The following HS3ST2 variants were observed in gnomAD, a reference collection of about 807,000 sequenced individuals.
The protein encoded by HS3ST2 is heparan sulfate glucosamine 3-O-sulfotransferase 2.
A neutral mutation model predicts 26.3 loss-of-function variants in HS3ST2; 17 were observed. The observed-to-expected ratio is 0.65, with a 90% CI of 0.44 to 0.97. HS3ST2 has a LOEUF of 0.97. Among genes scored for constraint, HS3ST2 ranks in the 50% least tolerant of loss-of-function variants. The pLI is 0.00. For synonymous variants in HS3ST2, 237 were observed against 219.2 expected, an observed-to-expected ratio of 1.08 and a Z score of -0.72; for missense variants, 402 against 501.2, an observed-to-expected ratio of 0.80 and a Z score of 1.89.
At chr16:22,866,322 C>T (rs1431932811) in intron 1 of HS3ST2, among the ~76,000 whole-genome samples, 3 of 148,192 alleles carry the variant, frequency 2.0e-5, no homozygotes, top group East Asian at 2.0e-4. Context: ...CACGTGCGCG[C>T]GCGCGCACAC....
intron 1 of HS3ST2, among the ~76,000 whole-genome samples, chr16:22,900,777 G>A (rs1287946028): frequency 1.3e-5 from 2 of 152,156 alleles, no homozygotes; most frequent in Admixed American, 6.5e-5. Context: ...AGTGAAACAT[G>A]ACCAAGATTC....
intron 1 of HS3ST2, among the ~76,000 whole-genome samples, chr16:22,907,749 T>C (rs371573904): frequency 8.5e-5 from 13 of 152,344 alleles, no homozygotes; most frequent in African/African-American, 3.1e-4. Context: ...AAGCTTTAAG[T>C]TGGAGCTGCA....
At position 22,865,425 on chromosome 16, in the gene HS3ST2, G is replaced by A. The variant is rs563528358; in HGVS notation, c.486-49519G>A. Among the ~76,000 whole-genome samples the A allele has an allele frequency of 3.3e-5, 5 of 151,536 alleles. No individual in the cohort carries two copies. The East Asian group carries it at 7.9e-4, about 24-fold the overall frequency. On this transcript the variant is annotated intron_variant, in intron 1 of 1. Coordinates refer to ENST00000261374, the MANE Select transcript of HS3ST2 (RefSeq NM_006043.2). Reference sequence around the variant, plus strand: ...CAAAAAATTAGCCGGGCATGGTGGCGCATGCCTGTAATCCCAGCTACTCAG... The same window carrying A: ...CAAAAAATTAGCCGGGCATGGTGGCACATGCCTGTAATCCCAGCTACTCAG...
rs776777406 is a variant in HS3ST2, at chr16:22,915,422, C to A, written c.964C>A (p.Leu322Met). The A allele has an allele frequency of 6.2e-7, 1 of 1,613,784 alleles. No homozygotes were observed. The highest frequency in any genetic ancestry group is 8.5e-7 in the Non-Finnish European group (1 of 1,179,956). Residue 322 changes from leucine (L) to methionine (M), a missense_variant, in exon 2 of 2, where the codon CTG (leucine) becomes ATG (methionine). Around this residue, in one of 2 missense-constraint regions of HS3ST2, gnomAD observed 237 missense variants for 346.6 expected, o/e 0.68. Transcript: ENST00000261374. The stretch of plus-strand genomic sequence containing the variant: ...CTTGAAAAAAACAGAATCGAGCCTC[C>A]TGCCTCGATGCTTGGGCAAATCAAA... ...PCLKKTESSL[L>M]PRCLGKSKGR...
chr16:22,833,433 GAGA>G, intron 1 of HS3ST2: 2 of 423,280 alleles, frequency 4.7e-6, no homozygotes, highest in Non-Finnish European at 9.6e-6. Context: ...CGTATAGCTG[GAGA>G]AGAAGGTCAG....
intron 1 of HS3ST2, among the ~76,000 whole-genome samples, chr16:22,859,027 G>A (rs768007198): frequency 2.0e-5 from 3 of 152,076 alleles, no homozygotes; most frequent in Non-Finnish European, 4.4e-5. Context: ...TTAGATGGGC[G>A]TGGTGGTGTA....
At chr16:22,900,973 G>A (rs1328719307) in intron 1 of HS3ST2, among the ~76,000 whole-genome samples, 3 of 152,146 alleles carry the variant, frequency 2.0e-5, no homozygotes, top group African/African-American at 7.2e-5. Flanking sequence ...CAGGTGAAGG[G>A]ATAGATAGCT....
intron 1 of HS3ST2, among the ~76,000 whole-genome samples, chr16:22,850,494 T>A (rs1281917495): frequency 6.6e-6 from 1 of 152,126 alleles, no homozygotes; most frequent in Non-Finnish European, 1.5e-5. Flanking sequence ...TTATTCAGAA[T>A]CTCTCATATA....
chr16:22,904,536 A>G (rs1019604106), intron 1 of HS3ST2, among the ~76,000 whole-genome samples: 3 of 152,180 alleles, frequency 2.0e-5, no homozygotes, highest in Non-Finnish European at 4.4e-5. Context: ...AGGGAGAAAT[A>G]ATAAGGGCAC....
intron 1 of HS3ST2, 34 bp from the exon 2 acceptor site, chr16:22,914,910 C>A (rs760049551): frequency 3.4e-5 from 54 of 1,574,860 alleles, no homozygotes; most frequent in Middle Eastern, 1.7e-4. Flanking sequence ...CCCAGGGAAA[C>A]CTATTTGATG....
intron 1 of HS3ST2, among the ~76,000 whole-genome samples, chr16:22,912,883 G>A (rs1204064544): frequency 1.3e-5 from 2 of 151,906 alleles, no homozygotes; most frequent in Admixed American, 6.6e-5. Flanking sequence ...CTTCTTCCCC[G>A]CCCTGTTTTA....
chr16:22,816,606 G>A (rs1306667717), intron 1 of HS3ST2, among the ~76,000 whole-genome samples: 1 of 152,212 alleles, frequency 6.6e-6, no homozygotes, highest in Non-Finnish European at 1.5e-5. Flanking sequence ...ATAGGGTAGG[G>A]TGGCACAGAG....
chr16:22,818,835 C>T (rs868590019), intron 1 of HS3ST2, among the ~76,000 whole-genome samples: 156 of 7,866 alleles, frequency 0.02, 9 homozygotes, highest in South Asian at 0.044. Context: ...CCTTCCTTCC[C>T]TCCTTCCTTC....
At position 22,855,581 on chromosome 16, in the gene HS3ST2, T is replaced by C. The variant is rs147949274; in HGVS notation, c.485+40486T>C. 1.4e-4 allele frequency among the ~76,000 whole-genome samples: 22 copies of C among 152,272 alleles called. No individual in the cohort carries two copies. In the East Asian group the frequency reaches 3.1e-3, roughly 21 times the overall value. ...CTCTCCTGCCACCCTGCTCTTGAAC[T>C]CAGAAAGCATTCCTTTTCAATCTCT... On this transcript the variant is annotated intron_variant, in intron 1 of 1. Transcript: ENST00000261374.
chr16:22,915,657 G>A lies in HS3ST2; in HGVS notation c.*95G>A. 7.3e-7 allele frequency: 1 copy of A among 1,372,802 alleles called. No individual in the cohort carries two copies. Among genetic ancestry groups the A allele is most frequent in the South Asian group, 1.4e-5 (1 of 70,274 alleles). The allele number at this position is 1,372,802 out of a possible 1,614,324, so 85.0% of individuals were successfully genotyped here. On this transcript the variant is annotated 3_prime_UTR_variant, in exon 2 of 2. Coordinates refer to ENST00000261374, the MANE Select transcript of HS3ST2 (RefSeq NM_006043.2). ...TCTGATCTCCCTCCAACAAACCCTGGCTCCAGCCCCCTTTCCCAACTTGAG... is the reference window on the plus strand; with the variant it reads ...TCTGATCTCCCTCCAACAAACCCTGACTCCAGCCCCCTTTCCCAACTTGAG...
intron 1 of HS3ST2, among the ~76,000 whole-genome samples, chr16:22,832,638 G>C (rs1371545439): frequency 6.6e-6 from 1 of 151,962 alleles, no homozygotes; most frequent in African/African-American, 2.4e-5. Flanking sequence ...CATCAGATCA[G>C]GATACTGGAA....
In HS3ST2 at chr16:22,914,763, A is replaced by AAAAAAAAAAG. The variant is rs1489223344; in HGVS notation, c.486-180_486-179insAAAAAAAAGA. Among the ~76,000 whole-genome samples the AAAAAAAAAAG allele has an allele frequency of 1.7e-3, 196 of 118,772 alleles. 18 individuals are homozygous for AAAAAAAAAAG. Among genetic ancestry groups the AAAAAAAAAAG allele is most frequent in the African/African-American group, 4.9e-3 (130 of 26,698 alleles). The allele number at this position is 118,772 out of a possible 152,430, so 77.9% of individuals were successfully genotyped here. A position where few individuals can be genotyped will look rare whatever the true frequency, so the allele number is the denominator to read the frequency against. On this transcript the variant is annotated intron_variant, in intron 1 of 1. Transcript: ENST00000261374. Reference sequence around the variant, plus strand: ...AAAAAAAAAAAAAAAAAAAAAAAAAAAGAGAAGAAAAGAAAATCAACAAGA... The same window carrying AAAAAAAAAAG: ...AAAAAAAAAAAAAAAAAAAAAAAAAAAAAAAAAAAGAGAGAAGAAAAGAAAATCAACAAGA...
At chr16:22,863,577 C>T (rs559915314) in intron 1 of HS3ST2, among the ~76,000 whole-genome samples, 2 of 152,312 alleles carry the variant, frequency 1.3e-5, no homozygotes, top group South Asian at 4.2e-4. Context: ...TCAACCCTTG[C>T]CCCCAACCCT....
intron 1 of HS3ST2, among the ~76,000 whole-genome samples, chr16:22,846,271 G>T (rs1328525624): frequency 1.5e-5 from 2 of 130,286 alleles, no homozygotes; most frequent in Non-Finnish European, 1.7e-5. Context: ...AGTGAGACTC[G>T]ATTTAAAAAA....
Sources: allele counts gnomAD v4.1 joint callset (sites outside exome capture counted in the v4.1 genomes callset), GRCh38; gene constraint gnomAD v4.1.1; regional missense constraint gnomAD v4.1.1; transcripts MANE v1.5; gene names NCBI Gene and HGNC (gene_info 2026-07-23, HGNC 2026-07-21).